ASTN2: variants seen among roughly 807,000 people sequenced by gnomAD.
The protein encoded by ASTN2 is astrotactin-2.
A neutral mutation model predicts 139.8 loss-of-function variants in ASTN2; 54 were observed. The ratio of observed to expected loss-of-function variants is 0.39; its 90% CI spans 0.31 to 0.48. The LOEUF (loss-of-function observed/expected upper bound fraction) is 0.48. Ranked by LOEUF, ASTN2 falls within the 20% of genes least tolerant of loss-of-function variation. The pLI is 0.95. For missense variants in ASTN2, 1,565 were observed against 1,725.1 expected (o/e 0.91, Z 1.64); for synonymous variants, 756 against 719.5 (o/e 1.05, Z -0.81).
intron 19 of ASTN2, among the ~76,000 whole-genome samples, chr9:116,487,810 C>CTT (rs60661878): frequency 1.3e-5 from 2 of 149,518 alleles, no homozygotes; most frequent in African/African-American, 2.4e-5. Flanking sequence ...GGATATTATG[C>CTT]TTTTTTTTTT....
intron 3 of ASTN2, among the ~76,000 whole-genome samples, chr9:117,184,168 C>T (rs535922915): frequency 7.9e-5 from 12 of 152,306 alleles, no homozygotes; most frequent in East Asian, 3.9e-4. Context: ...GCAACAGACA[C>T]GCTGAAGGCA....
intron 17 of ASTN2, among the ~76,000 whole-genome samples, chr9:116,621,417 ACACACACACACACACACATGCACG>A (rs1856143087): frequency 2.2e-5 from 2 of 91,208 alleles, no homozygotes; most frequent in African/African-American, 4.7e-5. Flanking sequence ...AAACACATAC[ACACACACACACACACACATGCACG>A]CACACACACA....
chr9:117,180,394 T>TACACATCC (rs71504052), intron 3 of ASTN2, among the ~76,000 whole-genome samples: 8 of 152,174 alleles, frequency 5.3e-5, no homozygotes, highest in Non-Finnish European at 1.2e-4. Context: ...TTGGGACCTT[T>TACACATCC]ACACATCCCC....
chr9:116,647,869 G>T (rs1002690578), intron 17 of ASTN2, among the ~76,000 whole-genome samples: 2 of 152,190 alleles, frequency 1.3e-5, no homozygotes, highest in Non-Finnish European at 1.5e-5. Flanking sequence ...TTGAAGTGCA[G>T]TGACACAATC....
At chr9:116,621,243 T>C (rs1008034725) in intron 17 of ASTN2, among the ~76,000 whole-genome samples, 2 of 152,194 alleles carry the variant, frequency 1.3e-5, no homozygotes, top group Admixed American at 6.5e-5. Context: ...GAAAGTGGCA[T>C]AGATGATACT....
At chr9:117,003,953 C>CGCGCGT (rs1218309835) in intron 7 of ASTN2, among the ~76,000 whole-genome samples, 7 of 146,226 alleles carry the variant, frequency 4.8e-5, no homozygotes, top group African/African-American at 1.8e-4. Flanking sequence ...CGCGCGCGCG[C>CGCGCGT]GTGTGTGTGT....
chr9:117,071,157 G>C (rs1261804323), intron 5 of ASTN2, among the ~76,000 whole-genome samples: 51 of 150,530 alleles, frequency 3.4e-4, no homozygotes, highest in South Asian at 1.3e-3. Context: ...TACTTTTGGT[G>C]TTTGATGATG....
At position 116,436,759 on chromosome 9, in the gene ASTN2, C is replaced by T. The variant is rs376003816; in HGVS notation, c.3782+3850G>A. Among the ~76,000 whole-genome samples the T allele has an allele frequency of 2.8e-4, 42 of 151,870 alleles. No homozygotes were observed. In the East Asian group the frequency reaches 4.3e-3, roughly 15 times the overall value. ...ATGCTGCTATAAAGACACATGCACACGTATGTTTATTGCAGCACTATTCAC... is the reference window on the plus strand; with the variant it reads ...ATGCTGCTATAAAGACACATGCACATGTATGTTTATTGCAGCACTATTCAC... On this transcript the variant is annotated intron_variant, in intron 22 of 22. Transcript: ENST00000313400.
intron 20 of ASTN2, among the ~76,000 whole-genome samples, chr9:116,456,983 G>A (rs1180645313): frequency 6.6e-6 from 1 of 151,894 alleles, no homozygotes; most frequent in Non-Finnish European, 1.5e-5. Flanking sequence ...AAAACTGCAT[G>A]GTACTGTCAT....
intron 13 of ASTN2, among the ~76,000 whole-genome samples, chr9:116,743,025 C>T (rs539540697): frequency 5.3e-5 from 8 of 152,204 alleles, no homozygotes; most frequent in African/African-American, 1.9e-4. Flanking sequence ...AACAAAAAAT[C>T]ACATAGCAAA....
At chr9:116,516,354 A>T (rs754238977) in intron 19 of ASTN2, among the ~76,000 whole-genome samples, 3 of 152,228 alleles carry the variant, frequency 2.0e-5, no homozygotes, top group Non-Finnish European at 4.4e-5. Context: ...GATCAAAAAG[A>T]TACTATTATT....
At chr9:116,513,476 G>C (rs1333947141) in intron 19 of ASTN2, among the ~76,000 whole-genome samples, 1 of 151,596 alleles carries the variant, frequency 6.6e-6, no homozygotes, top group African/African-American at 2.4e-5. Context: ...ATAATTATGT[G>C]TCTTGGAGTT....
At chr9:117,142,694 AG>A (rs1296050111) in intron 3 of ASTN2, among the ~76,000 whole-genome samples, 3 of 152,332 alleles carry the variant, frequency 2.0e-5, no homozygotes, top group African/African-American at 7.2e-5. Context: ...GGAAGATAAA[AG>A]GAAAAAAATA....
intron 17 of ASTN2, among the ~76,000 whole-genome samples, chr9:116,639,781 T>C (rs759604075): frequency 4.6e-5 from 7 of 152,348 alleles, no homozygotes; most frequent in Middle Eastern, 3.4e-3. Flanking sequence ...CTACACTCTC[T>C]GAGTCTCAAG....
intron 7 of ASTN2, among the ~76,000 whole-genome samples, chr9:117,004,843 G>T (rs1387875781): frequency 1.3e-5 from 2 of 152,134 alleles, no homozygotes; most frequent in Admixed American, 1.3e-4. Context: ...CTTGTAACTT[G>T]CTTTGAAACC....
At chr9:116,727,552 A>G (rs1015981151) in intron 15 of ASTN2, among the ~76,000 whole-genome samples, 3 of 152,032 alleles carry the variant, frequency 2.0e-5, no homozygotes, top group African/African-American at 7.2e-5. Context: ...AGGGGGCTCA[A>G]AGAATGGGTG....
At chr9:116,611,675 A>C (rs2131800566) in intron 19 of ASTN2, 1 of 152,242 alleles carries the variant, frequency 6.6e-6, no homozygotes, top group East Asian at 1.9e-4. Context: ...AGTTCCTTAA[A>C]ACACACAAGC....
chr9:117,324,493 A>G (rs1194222608), intron 1 of ASTN2, among the ~76,000 whole-genome samples: 2 of 152,156 alleles, frequency 1.3e-5, no homozygotes, highest in Non-Finnish European at 2.9e-5. Flanking sequence ...AACACTTACA[A>G]AACCATCATA....
At chr9:116,812,841 C>A (rs948055498) in intron 12 of ASTN2, among the ~76,000 whole-genome samples, 8 of 151,982 alleles carry the variant, frequency 5.3e-5, no homozygotes, top group African/African-American at 1.9e-4. Context: ...AGTGATTTTT[C>A]TTTTCCCTGT....
Sources: gnomAD v4.1 joint callset for allele counts (sites outside exome capture counted in the v4.1 genomes callset) on GRCh38, gnomAD v4.1.1 for gene constraint, MANE v1.5 for transcripts, NCBI Gene and HGNC (gene_info 2026-07-23, HGNC 2026-07-21) for gene names.